Variants in FARS2 observed in about 807,000 individuals in gnomAD.
The protein encoded by FARS2 is phenylalanyl-tRNA synthetase 2, mitochondrial.
FARS2 carries 40 observed loss-of-function variants against 46.4 expected under a neutral mutation model. The ratio of observed to expected loss-of-function variants is 0.86; its 90% CI spans 0.67 to 1.12. The LOEUF (loss-of-function observed/expected upper bound fraction) is 1.12. Ranked by LOEUF, FARS2 falls within the 50% of genes most tolerant of loss-of-function variation. The probability of loss-of-function intolerance (pLI) is 0.00; values close to 1 mark genes in which losing one functional copy is unlikely to be tolerated. For synonymous variants in FARS2, 234 were observed against 214.9 expected (o/e 1.09, Z -0.78); for missense variants, 513 against 567.9 (o/e 0.90, Z 0.98).
chr6:5,701,840 G>GGCT (rs1758455446), intron 6 of FARS2, among the ~76,000 whole-genome samples: 1 of 152,084 alleles, frequency 6.6e-6, no homozygotes, highest in African/African-American at 2.4e-5. Flanking sequence ...TGCTTTAATG[G>GGCT]GCTGCTCGTG....
chr6:5,375,042 C>T (rs1451603433), intron 2 of FARS2, among the ~76,000 whole-genome samples: 2 of 152,144 alleles, frequency 1.3e-5, no homozygotes, highest in Admixed American at 1.3e-4. Context: ...GGATTCCTTC[C>T]TATCACTGTT....
rs150905991 is a variant in FARS2 at position 5,554,826 on chromosome 6, C to T, written c.1065+9486C>T. On this transcript the variant is annotated intron_variant, in intron 5 of 6. Transcript: ENST00000274680. ...TTTAACCAAAGCTGACTCCAGAGAG[C>T]TCCTAATATTGAACTAGTAAGCTGT... 3.7e-3 allele frequency among the ~76,000 whole-genome samples: 569 copies of T among 152,288 alleles called. 5 individuals carry two copies. The highest frequency in any genetic ancestry group is 6.3e-3 in the Non-Finnish European group (426 of 68,024).
intron 1 of FARS2, among the ~76,000 whole-genome samples, chr6:5,340,105 G>A (rs1489075204): frequency 6.6e-6 from 1 of 152,168 alleles, no homozygotes; most frequent in Admixed American, 6.5e-5. Context: ...GTTCTTATTA[G>A]GTGCCTTTCA....
At chr6:5,505,695 G>A (rs555903481) in intron 4 of FARS2, among the ~76,000 whole-genome samples, 5 of 147,200 alleles carry the variant, frequency 3.4e-5, no homozygotes, top group African/African-American at 1.4e-4. Context: ...TATAGGATGC[G>A]ATGCCTGAGA....
At chr6:5,465,924 A>G (rs1765489650) in intron 4 of FARS2, among the ~76,000 whole-genome samples, 2 of 152,128 alleles carry the variant, frequency 1.3e-5, no homozygotes, top group South Asian at 2.1e-4. Context: ...GATTCTTCCC[A>G]TGTCTATAAT....
At chr6:5,360,823 T>G (rs1320067284) in intron 1 of FARS2, among the ~76,000 whole-genome samples, 1 of 152,158 alleles carries the variant, frequency 6.6e-6, no homozygotes, top group Non-Finnish European at 1.5e-5. Context: ...ATTTATGATG[T>G]TATGTTAGTA....
At chr6:5,546,611 A>G (rs997402783) in intron 5 of FARS2, among the ~76,000 whole-genome samples, 6 of 151,816 alleles carry the variant, frequency 4.0e-5, no homozygotes, top group Non-Finnish European at 7.4e-5. Context: ...AGCTGCATAT[A>G]TGTTAGACCA....
At chr6:5,561,125 C>A (rs766443347) in intron 5 of FARS2, among the ~76,000 whole-genome samples, 1 of 151,970 alleles carries the variant, frequency 6.6e-6, no homozygotes, top group Admixed American at 6.6e-5. Context: ...AACAAGCCTC[C>A]GTCTCAAAAA....
chr6:5,266,610 C>CTAGCTATGATACAACAA (rs1415965225), intron 1 of FARS2, among the ~76,000 whole-genome samples: 1 of 152,172 alleles, frequency 6.6e-6, no homozygotes, highest in Admixed American at 6.6e-5. Flanking sequence ...TGTGATCTGT[C>CTAGCTATGATACAACAA]TAGCTATGAT....
intron 5 of FARS2, among the ~76,000 whole-genome samples, chr6:5,551,533 G>A (rs1771373581): frequency 6.6e-6 from 1 of 152,144 alleles, no homozygotes; most frequent in Non-Finnish European, 1.5e-5. Context: ...ACATTTTTAT[G>A]TATTTGTTAC....
chr6:5,677,728 C>T (rs962085411), intron 6 of FARS2, among the ~76,000 whole-genome samples: 1 of 152,192 alleles, frequency 6.6e-6, no homozygotes, highest in African/African-American at 2.4e-5. Flanking sequence ...GCTTATATAA[C>T]AGAGTGTGTG....
At chr6:5,702,403 A>T (rs1015068548) in intron 6 of FARS2, among the ~76,000 whole-genome samples, 1 of 152,214 alleles carries the variant, frequency 6.6e-6, no homozygotes, top group African/African-American at 2.4e-5. Context: ...TTTACTTTCT[A>T]TTCTTCTTAT....
intron 4 of FARS2, among the ~76,000 whole-genome samples, chr6:5,482,485 T>C (rs940638772): frequency 3.0e-4 from 46 of 152,130 alleles, no homozygotes; most frequent in African/African-American, 1.1e-3. Context: ...GAGAGAGACT[T>C]GGAATCCTGA....
intron 1 of FARS2, among the ~76,000 whole-genome samples, chr6:5,294,176 A>G (rs772774060): frequency 3.2e-4 from 48 of 152,232 alleles, no homozygotes; most frequent in South Asian, 6.2e-4. Flanking sequence ...TTAGCCACTT[A>G]TTGTATTTGG....
At chr6:5,625,941 G>A (rs1382102268) in intron 6 of FARS2, among the ~76,000 whole-genome samples, 1 of 152,210 alleles carries the variant, frequency 6.6e-6, no homozygotes, top group Non-Finnish European at 1.5e-5. Context: ...CATCCAGCAG[G>A]TCTTTACAGA....
intron 6 of FARS2, among the ~76,000 whole-genome samples, chr6:5,749,796 C>T (rs1046866920): frequency 2.0e-5 from 3 of 152,180 alleles, no homozygotes; most frequent in Admixed American, 6.5e-5. Context: ...GGGAAGAAGG[C>T]TTGTCACTAG....
intron 3 of FARS2, among the ~76,000 whole-genome samples, chr6:5,424,853 G>A (rs1173100041): frequency 2.0e-5 from 3 of 152,192 alleles, no homozygotes; most frequent in African/African-American, 4.8e-5. Flanking sequence ...CTATCAAAAG[G>A]TTGCGGGTCT....
At chr6:5,655,589 G>A (rs1169689490) in intron 6 of FARS2, among the ~76,000 whole-genome samples, 1 of 152,130 alleles carries the variant, frequency 6.6e-6, no homozygotes, top group Non-Finnish European at 1.5e-5. Flanking sequence ...TTTGGCTTGT[G>A]GCCCCTTCCT....
chr6:5,649,498 G>A (rs1277517909), intron 6 of FARS2, among the ~76,000 whole-genome samples: 2 of 152,190 alleles, frequency 1.3e-5, no homozygotes, highest in Admixed American at 6.5e-5. Context: ...GGAGCTGAGG[G>A]TGCAGGCTGC....
Sources: allele counts gnomAD v4.1 joint callset (sites outside exome capture counted in the v4.1 genomes callset), GRCh38; gene constraint gnomAD v4.1.1; transcripts MANE v1.5; gene names NCBI Gene and HGNC (gene_info 2026-07-23, HGNC 2026-07-21).